The following ACAP2 variants were observed in gnomAD, a reference collection of about 807,000 sequenced individuals.
ACAP2 encodes ArfGAP with coiled-coil, ankyrin repeat and PH domains 2, also known as arf-GAP with coiled-coil, ANK repeat and PH domain-containing protein 2.
Under a neutral mutation model 115.8 loss-of-function variants are expected in ACAP2, and 39 were observed. The observed-to-expected ratio is 0.34, with a 90% CI of 0.26 to 0.44. The LOEUF is 0.44. ACAP2 is among the 20% of genes least tolerant of loss of function. The probability of loss-of-function intolerance (pLI) is 1.00; values close to 1 mark genes in which losing one functional copy is unlikely to be tolerated. For synonymous variants in ACAP2, 289 were observed against 315.8 expected, an observed-to-expected ratio of 0.92 and a Z score of 0.90; for missense variants, 662 against 927.6, an observed-to-expected ratio of 0.71 and a Z score of 3.72.
chr3:195,371,571 G>A (rs574351154), intron 4 of ACAP2, among the ~76,000 whole-genome samples: 1 of 152,182 alleles, frequency 6.6e-6, no homozygotes, highest in South Asian at 2.1e-4. Flanking sequence ...GACTGCTCTG[G>A]CCAGGACTTC....
At position 195,292,408 on chromosome 3, in the gene ACAP2, G is replaced by C. The variant is rs1727317960; in HGVS notation, c.1810C>G (p.Leu604Val). Residue 604 changes from leucine (L) to valine (V), a missense_variant, in exon 19 of 23, where the codon CTT becomes GTT. This residue lies in a region of ACAP2 where 133 missense variants were observed against 123.1 expected (regional missense o/e 1.08). Coordinates refer to ENST00000326793, the MANE Select transcript of ACAP2 (RefSeq NM_012287.6). ...CTATAAAGCTGAAGTCCTGGATTAA[G>C]ATGTTTCGAGTCAAGAAACATAGAA... ...DSSMFLDSKH[L>V]NPGLQLYRAS... 1.2e-6 allele frequency: 2 copies of C among 1,612,352 alleles called. No individual in the cohort carries two copies. The highest frequency in any genetic ancestry group is 1.3e-5 in the African/African-American group (1 of 74,744).
In ACAP2 at chr3:195,443,011, G is replaced by C; in HGVS notation, c.-164C>G. 1 of 553,182 alleles carries C rather than the reference G, an allele frequency of 1.8e-6. No homozygotes were observed. The highest frequency in any genetic ancestry group is 3.0e-6 in the Non-Finnish European group (1 of 331,612). 34.3% of individuals were successfully genotyped at this position (553,182 alleles called of 1,614,324 possible). A position where few individuals can be genotyped will look rare whatever the true frequency, so the allele number is the denominator to read the frequency against. On this transcript the variant is annotated 5_prime_UTR_variant, in exon 1 of 23. Coordinates refer to ENST00000326793, the MANE Select transcript of ACAP2 (RefSeq NM_012287.6). The stretch of plus-strand genomic sequence containing the variant: ...TCATAGCAGCCGCGAAGACGGCGAC[G>C]ACTAGTCAGGCCCCAGTCCCGCCCC...
At chr3:195,433,231 A>G (rs962230365) in intron 1 of ACAP2, among the ~76,000 whole-genome samples, 3 of 152,174 alleles carry the variant, frequency 2.0e-5, no homozygotes, top group Admixed American at 6.5e-5. Flanking sequence ...TCTAATACCT[A>G]ATGCAATGTA....
chr3:195,393,829 T>A (rs974856532), intron 1 of ACAP2, among the ~76,000 whole-genome samples: 1 of 145,656 alleles, frequency 6.9e-6, no homozygotes, highest in Admixed American at 7.0e-5. Context: ...AGATTTTAAA[T>A]GAGGTTGATC....
chr3:195,423,613 ACTCCGTCTC>A, intron 1 of ACAP2, among the ~76,000 whole-genome samples: 1 of 117,966 alleles, frequency 8.5e-6, no homozygotes. Flanking sequence ...ACAAAGTAAG[ACTCCGTCTC>A]AAAAAAAAAA....
chr3:195,419,058 T>TA (rs1274216745), intron 1 of ACAP2, among the ~76,000 whole-genome samples: 4 of 152,162 alleles, frequency 2.6e-5, no homozygotes, highest in Admixed American at 2.6e-4. Flanking sequence ...AGTATCAGCA[T>TA]AAAAAAATGT....
rs115146378 is a variant in ACAP2 at position 195,319,615 on chromosome 3, C to A, written c.857+1086G>T. Among the ~76,000 whole-genome samples, 788 of 152,276 alleles carry A rather than the reference C, an allele frequency of 5.2e-3. 5 individuals are homozygous for A. Among genetic ancestry groups the A allele is most frequent in the African/African-American group, 0.018 (751 of 41,542 alleles). On this transcript the variant is annotated intron_variant, in intron 10 of 22. Coordinates refer to ENST00000326793, the MANE Select transcript of ACAP2 (RefSeq NM_012287.6). ...GGCTGGGTTTCGAACTTGTGTGGGG[C>A]CTGTGACCCCTTTGTTTTGGTCATA... is the stretch of plus-strand genomic sequence containing the variant.
intron 4 of ACAP2, among the ~76,000 whole-genome samples, chr3:195,352,457 C>G (rs1731677463): frequency 6.6e-6 from 1 of 152,194 alleles, no homozygotes; most frequent in Non-Finnish European, 1.5e-5. Flanking sequence ...GGCTTACAGT[C>G]TTCACTTTAA....
intron 18 of ACAP2, 46 bp downstream of exon 18, chr3:195,294,673 T>G (rs765659588): frequency 9.4e-7 from 1 of 1,061,342 alleles, no homozygotes; most frequent in South Asian, 1.9e-5. Flanking sequence ...CACATGCACT[T>G]TCCAGCAAAC....
intron 1 of ACAP2, among the ~76,000 whole-genome samples, chr3:195,420,666 G>A (rs147578552): frequency 0.012 from 1,834 of 151,658 alleles, 30 homozygotes; most frequent in African/African-American, 0.04. Context: ...TTGTTTTTGA[G>A]ATGGAGTCTT....
intron 13 of ACAP2, among the ~76,000 whole-genome samples, chr3:195,304,792 C>T (rs995649680): frequency 6.6e-6 from 1 of 152,212 alleles, no homozygotes; most frequent in Non-Finnish European, 1.5e-5. Context: ...TGTTCCTCAA[C>T]AAATGGTCCA....
Position 195,336,973 on chromosome 3 carries a change from T to C in ACAP2, c.532A>G (p.Asn178Asp). 1 of 1,610,870 alleles carries C rather than the reference T, an allele frequency of 6.2e-7. No individual in the cohort carries two copies. Among genetic ancestry groups the C allele is most frequent in the South Asian group, 1.1e-5 (1 of 90,394 alleles). ...GATCTCCTTTTTGATTGAAGAACATTAATCTGAGGGAAAACACACGTGGTT... is the reference window on the plus strand; with the variant it reads ...GATCTCCTTTTTGATTGAAGAACATCAATCTGAGGGAAAACACACGTGGTT... The part of the protein sequence containing the change: ...HIALDYVLQI[N>D]VLQSKRRSEI... The change falls in exon 7 of 23, where the codon AAT (asparagine) becomes GAT (aspartate). Residue 178 changes from asparagine (N) to aspartate (D), a missense_variant. Coordinates refer to ENST00000326793, the MANE Select transcript of ACAP2 (RefSeq NM_012287.6).
At chr3:195,364,245 G>GA (rs553573489) in intron 4 of ACAP2, among the ~76,000 whole-genome samples, 3 of 152,130 alleles carry the variant, frequency 2.0e-5, no homozygotes, top group East Asian at 1.9e-4. Flanking sequence ...AAATAACTAG[G>GA]AAAAAATCTA....
At chr3:195,410,281 T>C (rs1258870997) in intron 1 of ACAP2, among the ~76,000 whole-genome samples, 1 of 152,122 alleles carries the variant, frequency 6.6e-6, no homozygotes, top group East Asian at 1.9e-4. Context: ...AAGAGATCCA[T>C]GACTGAAATG....
chr3:195,381,087 A>G (rs759670103), intron 3 of ACAP2, 25 bp from the exon 4 acceptor site: 1 of 1,579,114 alleles, frequency 6.3e-7, no homozygotes, highest in South Asian at 1.2e-5. Flanking sequence ...GCAAAAGAAA[A>G]CCAAATCATT....
intron 10 of ACAP2, among the ~76,000 whole-genome samples, chr3:195,314,202 T>G (rs556817202): frequency 5.2e-4 from 78 of 151,374 alleles, no homozygotes; most frequent in East Asian, 2.5e-3. Context: ...TTTTGTTGTT[T>G]TTTTTTTTTT....
chr3:195,401,614 T>C (rs1577419780), intron 1 of ACAP2, among the ~76,000 whole-genome samples: 1 of 152,164 alleles, frequency 6.6e-6, no homozygotes. Context: ...TTGCAGTGAG[T>C]TGAGATTGTG....
intron 4 of ACAP2, among the ~76,000 whole-genome samples, chr3:195,374,186 G>A (rs747442344): frequency 1.3e-5 from 2 of 152,006 alleles, no homozygotes; most frequent in Non-Finnish European, 2.9e-5. Context: ...CGGAGTTCGA[G>A]ACCAGCCTGG....
At chr3:195,379,234 C>A (rs978579789) in intron 4 of ACAP2, among the ~76,000 whole-genome samples, 1 of 152,022 alleles carries the variant, frequency 6.6e-6, no homozygotes, top group African/African-American at 2.4e-5. Context: ...TCTTTATAAC[C>A]TTGAATTTGG....
Sources: allele counts gnomAD v4.1 joint callset (sites outside exome capture counted in the v4.1 genomes callset), GRCh38; gene constraint gnomAD v4.1.1; regional missense constraint gnomAD v4.1.1; transcripts MANE v1.5; gene names NCBI Gene and HGNC (gene_info 2026-07-23, HGNC 2026-07-21).